The following MALRD1 variants were observed in gnomAD, a reference collection of about 807,000 sequenced individuals.
MALRD1 encodes the protein MAM and LDL receptor class A domain containing 1.
MALRD1 carries 247 observed loss-of-function variants against 242.1 expected under a neutral mutation model. The ratio of observed to expected loss-of-function variants is 1.02; its 90% CI spans 0.92 to 1.13. MALRD1 has a LOEUF of 1.13. Ranked by LOEUF, MALRD1 falls within the 50% of genes most tolerant of loss-of-function variation. MALRD1 has a pLI of 0.00. For missense variants in MALRD1, 2,989 were observed against 2,533.1 expected, an observed-to-expected ratio of 1.18 and a Z score of -3.86; for synonymous variants, 995 against 866.6, an observed-to-expected ratio of 1.15 and a Z score of -2.60.
chr10:19,359,796 A>G (rs1844811403), intron 26 of MALRD1, among the ~76,000 whole-genome samples: 1 of 152,066 alleles, frequency 6.6e-6, no homozygotes, highest in East Asian at 1.9e-4. Flanking sequence ...TGGAAAATGT[A>G]ACTGAGGGAT....
Position 19,327,618 on chromosome 10 carries a change from A to G in MALRD1, c.3632A>G (p.Gln1211Arg). The G allele has an allele frequency of 6.5e-7, 1 of 1,549,992 alleles. No homozygotes were observed. The highest frequency in any genetic ancestry group is 8.7e-7 in the Non-Finnish European group (1 of 1,146,428). Residue 1211 changes from glutamine (Q) to arginine (R), a missense_variant, in exon 23 of 40, where the codon CAA becomes CGA. Physicochemically the swap from Gln to Arg is conservative, Grantham distance 43 (BLOSUM62 1). Transcript: ENST00000454679. ...AAATTGTGGGCTCAAACTGGACAGC[A>G]AGGTGCACAGTGGAAGAGAGCAGAA... ...TSKLWAQTGQQGAQWKRAEVF... is the reference protein window; with the variant it reads ...TSKLWAQTGQRGAQWKRAEVF...
rs1833348905 is a variant in MALRD1, at chr10:19,136,614, T to C, written c.1244T>C (p.Ile415Thr). The change falls in exon 10 of 40, where the codon ATT (isoleucine) becomes ACT (threonine). Residue 415 changes from isoleucine (I) to threonine (T), a missense_variant. By Grantham distance (89) the Ile-to-Thr change is moderately conservative. Coordinates refer to ENST00000454679, the MANE Select transcript of MALRD1 (RefSeq NM_001142308.3). ...EGTLLSQRSF[I>T]ALDHLWVYAC... ...ACTCTTTTGAGCCAGAGAAGTTTTATTGCCCTTGATCACCTCTGGGTCTAT... is the reference window on the plus strand; with the variant it reads ...ACTCTTTTGAGCCAGAGAAGTTTTACTGCCCTTGATCACCTCTGGGTCTAT... 1 of 1,231,734 alleles carries C rather than the reference T, an allele frequency of 8.1e-7. No individual in the cohort carries two copies. The highest frequency in any genetic ancestry group is 1.5e-5 in the African/African-American group (1 of 64,546). The allele number at this position is 1,231,734 out of a possible 1,614,324, so 76.3% of individuals were successfully genotyped here. A position where few individuals can be genotyped will look rare whatever the true frequency, so the allele number is the denominator to read the frequency against.
intron 36 of MALRD1, among the ~76,000 whole-genome samples, chr10:19,619,307 T>C (rs1486944874): frequency 3.3e-5 from 5 of 152,146 alleles, no homozygotes; most frequent in Middle Eastern, 6.8e-3. Context: ...GGTCGCTTTT[T>C]CCTCCTTCTG....
chr10:19,376,466 A>G (rs1477844245), intron 26 of MALRD1, among the ~76,000 whole-genome samples: 1 of 149,358 alleles, frequency 6.7e-6, no homozygotes, highest in African/African-American at 2.5e-5. Context: ...AGCTGGGTAG[A>G]TGTATTTTGA....
chr10:19,447,161 T>C (rs1052472853), intron 28 of MALRD1, among the ~76,000 whole-genome samples: 3 of 152,044 alleles, frequency 2.0e-5, no homozygotes, highest in African/African-American at 7.2e-5. Flanking sequence ...CTTTTTCTCC[T>C]GTATTAAATT....
intron 4 of MALRD1, among the ~76,000 whole-genome samples, chr10:19,099,215 A>AT (rs1836159175): frequency 6.6e-6 from 1 of 151,894 alleles, no homozygotes; most frequent in Non-Finnish European, 1.5e-5. Flanking sequence ...TTACAGCTCG[A>AT]TTTTTCAGGC....
chr10:19,579,754 C>T (rs1034759403), intron 33 of MALRD1, among the ~76,000 whole-genome samples: 47 of 152,150 alleles, frequency 3.1e-4, no homozygotes, highest in African/African-American at 9.9e-4. Context: ...CCCTGTAAGG[C>T]GTTGGAGAAC....
chr10:19,133,450 T>C (rs1833192530), intron 8 of MALRD1, among the ~76,000 whole-genome samples: 1 of 152,238 alleles, frequency 6.6e-6, no homozygotes, highest in Non-Finnish European at 1.5e-5. Context: ...TTTTAACCTT[T>C]ATATTGTTTG....
At chr10:19,389,239 G>A (rs1359526008) in intron 27 of MALRD1, 5 of 665,170 alleles carry the variant, frequency 7.5e-6, no homozygotes, top group Admixed American at 6.2e-5. Context: ...TCTGCATACT[G>A]TGAAGCACGT....
At position 19,192,635 on chromosome 10, in the gene MALRD1, A is replaced by G. The variant is rs181971557; in HGVS notation, c.1952-11093A>G. ...CATCGTACCTTGTACTTTTATTACT[A>G]CCTTATGAGACCCTAAGCAGACAGC... On this transcript the variant is annotated intron_variant, in intron 14 of 39. Transcript: ENST00000454679. 9.9e-4 allele frequency among the ~76,000 whole-genome samples: 151 copies of G among 152,248 alleles called. 1 individual carries two copies. The highest frequency in any genetic ancestry group is 3.4e-3 in the Middle Eastern group (1 of 294).
intron 28 of MALRD1, among the ~76,000 whole-genome samples, chr10:19,402,732 C>T (rs1392982677): frequency 6.6e-6 from 1 of 152,068 alleles, no homozygotes. Flanking sequence ...GTCTTCCATG[C>T]TCTTATTTGT....
At chr10:19,251,934 C>A (rs1206377530) in intron 18 of MALRD1, among the ~76,000 whole-genome samples, 1 of 151,898 alleles carries the variant, frequency 6.6e-6, no homozygotes, top group African/African-American at 2.4e-5. Context: ...TCTCTTCCTC[C>A]TACTCCAGCC....
intron 12 of MALRD1, among the ~76,000 whole-genome samples, chr10:19,165,230 G>A (rs1264949836): frequency 1.5e-5 from 1 of 67,846 alleles, no homozygotes; most frequent in Non-Finnish European, 2.7e-5. Context: ...ATTTAACACA[G>A]AAGTTGTTTG....
intron 36 of MALRD1, among the ~76,000 whole-genome samples, chr10:19,682,499 C>A (rs935452496): frequency 6.6e-6 from 1 of 152,110 alleles, no homozygotes; most frequent in African/African-American, 2.4e-5. Flanking sequence ...AAAACAGGCT[C>A]TTATGCATGA....
chr10:19,285,386 G>A (rs1414943577), intron 21 of MALRD1, among the ~76,000 whole-genome samples: 1 of 146,372 alleles, frequency 6.8e-6, no homozygotes, highest in Non-Finnish European at 1.5e-5. Flanking sequence ...ATGGTTTTAG[G>A]TCTAACGTTT....
chr10:19,698,172 C>G (rs555581415), intron 38 of MALRD1, among the ~76,000 whole-genome samples: 7 of 152,260 alleles, frequency 4.6e-5, no homozygotes, highest in African/African-American at 1.4e-4. Context: ...TTTCTATATC[C>G]TGGAATCTAC....
At chr10:19,185,862 C>T (rs948933173) in intron 14 of MALRD1, among the ~76,000 whole-genome samples, 4 of 146,056 alleles carry the variant, frequency 2.7e-5, no homozygotes, top group Non-Finnish European at 6.1e-5. Flanking sequence ...TGAATTAGGA[C>T]TACTTTTTTC....
chr10:19,352,426 T>G, intron 26 of MALRD1, 129 bp downstream of exon 26: 1 of 897,890 alleles, frequency 1.1e-6, no homozygotes. Flanking sequence ...ATATAAGATC[T>G]TTTTAAACTC....
In MALRD1 at chr10:19,567,711, ATTCT is replaced by A. The variant is rs993217967; in HGVS notation, c.5680+12_5680+15del. The A allele has an allele frequency of 1.3e-6, 2 of 1,548,280 alleles. No individual in the cohort carries two copies. The highest frequency in any genetic ancestry group is 1.7e-6 in the Non-Finnish European group (2 of 1,145,106). ...CAGAGTGTGTGACTGGAGGTAAGTG[ATTCT>A]TTCAGAAAATGGGAATAAGTATTTG... On this transcript the variant is annotated intron_variant, in intron 33 of 39. Transcript: ENST00000454679.
Sources: gnomAD v4.1 joint callset for allele counts (sites outside exome capture counted in the v4.1 genomes callset) on GRCh38, gnomAD v4.1.1 for gene constraint, MANE v1.5 for transcripts, NCBI Gene and HGNC (gene_info 2026-07-23, HGNC 2026-07-21) for gene names.